Variants in YIPF4 observed in about 807,000 individuals in gnomAD.
YIPF4 encodes the protein protein YIPF4.
Under a neutral mutation model 29.4 loss-of-function variants are expected in YIPF4, and 18 were observed. The observed-to-expected ratio is 0.61, with a 90% confidence interval of 0.42 to 0.91. The LOEUF (loss-of-function observed/expected upper bound fraction) is 0.91, where lower values mean the gene tolerates loss of function less well. YIPF4 is among the 40% of genes least tolerant of loss of function. The pLI, the probability that YIPF4 is intolerant of heterozygous loss-of-function variation, is 0.00. For missense variants in YIPF4, 279 were observed against 282.7 expected, an observed-to-expected ratio of 0.99 and a Z score of 0.09; for synonymous variants, 115 against 104.7, an observed-to-expected ratio of 1.10 and a Z score of -0.60.
At chr2:32,278,283 C>G in intron 1 of YIPF4, 49 bp downstream of exon 1, 4 of 1,509,702 alleles carry the variant, frequency 2.6e-6, no homozygotes, top group South Asian at 1.2e-5. Context: ...AGCCAGGGCC[C>G]GACGCCGTAG....
At chr2:32,300,123 G>A (rs1330268413) in intron 4 of YIPF4, among the ~76,000 whole-genome samples, 1 of 152,076 alleles carries the variant, frequency 6.6e-6, no homozygotes, top group Non-Finnish European at 1.5e-5. Flanking sequence ...AAAATTAGCT[G>A]GATGTGGTGG....
intron 5 of YIPF4, among the ~76,000 whole-genome samples, chr2:32,304,242 A>G (rs1469026486): frequency 1.3e-5 from 2 of 152,178 alleles, no homozygotes; most frequent in Non-Finnish European, 2.9e-5. Flanking sequence ...GCATTAGAGT[A>G]TATAGTTTAA....
At chr2:32,287,514 G>A (rs1217524572) in intron 1 of YIPF4, among the ~76,000 whole-genome samples, 1 of 152,150 alleles carries the variant, frequency 6.6e-6, no homozygotes, top group Admixed American at 6.5e-5. Flanking sequence ...TTTATTGCAG[G>A]ATACTCTTCT....
chr2:32,282,097 G>A (rs1040525125), intron 1 of YIPF4, among the ~76,000 whole-genome samples: 1 of 151,726 alleles, frequency 6.6e-6, no homozygotes, highest in Non-Finnish European at 1.5e-5. Context: ...CTGAGGCTTA[G>A]AGAGGTTTAG....
Position 32,277,935 on chromosome 2 carries a change from G to A in YIPF4, c.-221G>A, listed in dbSNP as rs1290282868. ...GTTATGGTCCTGTCAGGGTGCCGGCGTCGTGGTGCTTGGGTGGTCGCCACC... is the reference window on the plus strand; with the variant it reads ...GTTATGGTCCTGTCAGGGTGCCGGCATCGTGGTGCTTGGGTGGTCGCCACC... On this transcript the variant is annotated 5_prime_UTR_variant, in exon 1 of 6. Coordinates refer to ENST00000238831, the MANE Select transcript of YIPF4 (RefSeq NM_032312.4). 4 of 525,718 alleles carry A rather than the reference G, an allele frequency of 7.6e-6. No individual in the cohort carries two copies. In the East Asian group the frequency reaches 1.4e-4, roughly 18 times the overall value. The allele number at this position is 525,718 out of a possible 1,614,324, so 32.6% of individuals were successfully genotyped here.
chr2:32,305,206 A>G (rs1307558302), intron 5 of YIPF4, among the ~76,000 whole-genome samples: 1 of 152,186 alleles, frequency 6.6e-6, no homozygotes, highest in African/African-American at 2.4e-5. Flanking sequence ...AATAAGTTAT[A>G]ATTTAACAGA....
rs201445101 is a variant in YIPF4, at chr2:32,314,673, CA to C, written c.*9056del. On this transcript the variant is annotated 3_prime_UTR_variant, in exon 6 of 6. Coordinates refer to ENST00000238831, the MANE Select transcript of YIPF4 (RefSeq NM_032312.4). Reference sequence around the variant, plus strand: ...GGGCAAGAAGAGCAAAACTTCGTCTCAAAAAAAAATAAAAAAATAAGGCTCC... The same window carrying C: ...GGGCAAGAAGAGCAAAACTTCGTCTCAAAAAAAATAAAAAAATAAGGCTCC... 2 of 147,626 alleles carry C rather than the reference CA, an allele frequency of 1.4e-5. No homozygotes were observed. The highest frequency in any genetic ancestry group is 1.5e-5 in the Non-Finnish European group (1 of 66,930). The allele number at this position is 147,626 out of a possible 1,614,324, so 9.1% of individuals were successfully genotyped here. A position where few individuals can be genotyped will look rare whatever the true frequency, so the allele number is the denominator to read the frequency against.
At position 32,292,234 on chromosome 2, in the gene YIPF4, G is replaced by A; in HGVS notation, c.291G>A (p.Met97Ile). 6.2e-7 allele frequency: 1 copy of A among 1,602,592 alleles called. No homozygotes were observed. The highest frequency in any genetic ancestry group is 8.5e-7 in the Non-Finnish European group (1 of 1,173,934). ...ACTACAAAATCCGATGTGTTTTGATGCCAATGCCATCACTTGGTTTTAATA... is the reference window on the plus strand; with the variant it reads ...ACTACAAAATCCGATGTGTTTTGATACCAATGCCATCACTTGGTTTTAATA... ...DIYYKIRCVL[M>I]PMPSLGFNRQ... Residue 97 changes from methionine (M) to isoleucine (I), a missense_variant, in exon 3 of 6, where the codon ATG (methionine) becomes ATA (isoleucine). Physicochemically the swap from Met to Ile is conservative, Grantham distance 10. Coordinates refer to ENST00000238831, the MANE Select transcript of YIPF4 (RefSeq NM_032312.4).
chr2:32,283,546 C>G (rs1396472691), intron 1 of YIPF4, among the ~76,000 whole-genome samples: 1 of 152,152 alleles, frequency 6.6e-6, no homozygotes, highest in African/African-American at 2.4e-5. Flanking sequence ...TAAGTTAAAA[C>G]CTAAGACTGA....
At chr2:32,288,534 C>T (rs2030778428) in intron 1 of YIPF4, among the ~76,000 whole-genome samples, 1 of 152,062 alleles carries the variant, frequency 6.6e-6, no homozygotes, top group Non-Finnish European at 1.5e-5. Context: ...CTTGGCCTGG[C>T]GCGGTGGCTC....
Position 32,305,726 on chromosome 2 carries a change from T to C in YIPF4, c.*100T>C. The C allele has an allele frequency of 7.6e-7, 1 of 1,312,028 alleles. No homozygotes were observed. The highest frequency in any genetic ancestry group is 9.7e-7 in the Non-Finnish European group (1 of 1,029,676). The allele number at this position is 1,312,028 out of a possible 1,614,324, so 81.3% of individuals were successfully genotyped here. ...GAGAAAACCTGTTGCTGCAAAATTTTACATGTTCCAGATGGAAAGGGAAGT... is the reference window on the plus strand; with the variant it reads ...GAGAAAACCTGTTGCTGCAAAATTTCACATGTTCCAGATGGAAAGGGAAGT... On this transcript the variant is annotated 3_prime_UTR_variant, in exon 6 of 6. Coordinates refer to ENST00000238831, the MANE Select transcript of YIPF4 (RefSeq NM_032312.4).
intron 3 of YIPF4, among the ~76,000 whole-genome samples, chr2:32,292,842 G>A (rs1305326451): frequency 3.0e-5 from 4 of 135,416 alleles, no homozygotes; most frequent in South Asian, 2.3e-4. Context: ...CCAGCCTGGC[G>A]ACAGAGTGAG....
rs545428331 is a variant in YIPF4, at chr2:32,295,037, G to A, written c.405+2689G>A. ...CAGCAGTACAGTCCAGCTTCGGCTCGGCATCAGAGGGAGAGGGGGAGGGGG... is the reference window on the plus strand; with the variant it reads ...CAGCAGTACAGTCCAGCTTCGGCTCAGCATCAGAGGGAGAGGGGGAGGGGG... On this transcript the variant is annotated intron_variant, in intron 3 of 5. Transcript: ENST00000238831. 4.0e-5 allele frequency among the ~76,000 whole-genome samples: 6 copies of A among 150,850 alleles called. No homozygotes were observed. The East Asian group carries it at 7.8e-4, about 20-fold the overall frequency.
chr2:32,294,110 G>A (rs1461065735), intron 3 of YIPF4, among the ~76,000 whole-genome samples: 3 of 151,352 alleles, frequency 2.0e-5, no homozygotes, highest in African/African-American at 7.3e-5. Context: ...TGGCTGGCCA[G>A]GCGGGACGCT....
chr2:32,300,456 G>C (rs899260648), intron 4 of YIPF4, among the ~76,000 whole-genome samples: 1 of 145,646 alleles, frequency 6.9e-6, no homozygotes, highest in Non-Finnish European at 1.5e-5. Context: ...AAAAAAAAAA[G>C]AGTTTCTTTT....
chr2:32,306,967 C>A lies in YIPF4; in HGVS notation c.*1341C>A. On this transcript the variant is annotated 3_prime_UTR_variant, in exon 6 of 6. Coordinates refer to ENST00000238831, the MANE Select transcript of YIPF4 (RefSeq NM_032312.4). Reference sequence around the variant, plus strand: ...GCAAACCTACAAATGAGTGTGTTATCAAGCCCAGCCGTCTTCCTTTCCCCT... The same window carrying A: ...GCAAACCTACAAATGAGTGTGTTATAAAGCCCAGCCGTCTTCCTTTCCCCT... The A allele has an allele frequency of 2.2e-6, 1 of 465,000 alleles. No individual in the cohort carries two copies. The highest frequency in any genetic ancestry group is 4.5e-5 in the Admixed American group (1 of 22,232). 28.8% of individuals were successfully genotyped at this position (465,000 alleles called of 1,614,324 possible).
chr2:32,296,752 T>C (rs1388555802), intron 3 of YIPF4, among the ~76,000 whole-genome samples: 1 of 152,246 alleles, frequency 6.6e-6, no homozygotes, highest in East Asian at 1.9e-4. Context: ...TTTCTCTTTG[T>C]AATTAATAAA....
chr2:32,294,279 T>C (rs1475114665), intron 3 of YIPF4, among the ~76,000 whole-genome samples: 1 of 147,074 alleles, frequency 6.8e-6, no homozygotes, highest in African/African-American at 2.5e-5. Context: ...ACGGGGCGGC[T>C]GCCGGGTGGA....
chr2:32,282,834 T>C (rs1048241163), intron 1 of YIPF4, among the ~76,000 whole-genome samples: 4 of 151,820 alleles, frequency 2.6e-5, no homozygotes, highest in African/African-American at 9.6e-5. Flanking sequence ...CCCAGAACTT[T>C]GGGAGGCCGA....
Sources: allele counts gnomAD v4.1 joint callset (sites outside exome capture counted in the v4.1 genomes callset), GRCh38; gene constraint gnomAD v4.1.1; transcripts MANE v1.5; gene names NCBI Gene and HGNC (gene_info 2026-07-23, HGNC 2026-07-21).